The following ATP8B4 variants were observed in gnomAD, a reference collection of about 807,000 sequenced individuals.
The protein encoded by ATP8B4 is ATPase phospholipid transporting 8B4 (putative).
ATP8B4 carries 133 observed loss-of-function variants against 145.6 expected under a neutral mutation model. The observed-to-expected ratio is 0.91, with a 90% CI of 0.79 to 1.05. The LOEUF (loss-of-function observed/expected upper bound fraction) is 1.05. ATP8B4 is among the 50% of genes least tolerant of loss of function. The probability of loss-of-function intolerance (pLI) is 0.00; values close to 1 mark genes in which losing one functional copy is unlikely to be tolerated. For missense variants in ATP8B4, 1,458 were observed against 1,425.2 expected (o/e 1.02, Z -0.37); for synonymous variants, 507 against 492.9 (o/e 1.03, Z -0.38).
chr15:50,002,163 C>T lies in ATP8B4; in HGVS notation c.496G>A (p.Glu166Lys). 6.2e-7 allele frequency: 1 copy of T among 1,608,192 alleles called. No individual in the cohort carries two copies. Among genetic ancestry groups the T allele is most frequent in the Non-Finnish European group, 8.5e-7 (1 of 1,176,050 alleles). Residue 166 changes from glutamate (E) to lysine (K), a missense_variant, in exon 8 of 28, where the codon GAG (glutamate) becomes AAG (lysine). Glu to Lys is a moderately conservative substitution (Grantham distance 56). Coordinates refer to ENST00000284509, the MANE Select transcript of ATP8B4 (RefSeq NM_024837.4). ...PHGLCYVETAELDGETNLKVR... is the reference protein window; with the variant it reads ...PHGLCYVETAKLDGETNLKVR... ...ATTTTAATAACTTACCCATCAAGCT[C>T]AGCAGTTTCAACATAACAGAGACCA... is the stretch of plus-strand genomic sequence containing the variant.
At chr15:50,116,413 G>A (rs1290767050) in intron 1 of ATP8B4, among the ~76,000 whole-genome samples, 1 of 152,016 alleles carries the variant, frequency 6.6e-6, no homozygotes, top group Non-Finnish European at 1.5e-5. Flanking sequence ...GAAGGTGGAG[G>A]GGCAGAAGAA....
chr15:49,869,074 AATTTTTTTGT>A (rs1372281857), intron 25 of ATP8B4, among the ~76,000 whole-genome samples: 33 of 152,186 alleles, frequency 2.2e-4, no homozygotes, highest in East Asian at 1.9e-4. Context: ...ATGCCTGGCT[AATTTTTTTGT>A]ATTTTTAGTA....
chr15:49,982,163 G>T (rs1367031574), intron 10 of ATP8B4, among the ~76,000 whole-genome samples: 8 of 152,210 alleles, frequency 5.3e-5, no homozygotes, highest in South Asian at 2.1e-4. Flanking sequence ...AAAGAAAGGA[G>T]AAAAGGGAGG....
At chr15:50,170,432 A>G (rs1240867272) in intron 1 of ATP8B4, among the ~76,000 whole-genome samples, 1 of 152,130 alleles carries the variant, frequency 6.6e-6, no homozygotes, top group Non-Finnish European at 1.5e-5. Flanking sequence ...TAGGCATCAT[A>G]TATGAAGGAA....
intron 23 of ATP8B4, 58 bp downstream of exon 23, chr15:49,897,234 G>A: frequency 6.8e-7 from 1 of 1,474,574 alleles, no homozygotes; most frequent in Non-Finnish European, 9.3e-7. Context: ...AGAGTCATTT[G>A]TAATATCATA....
chr15:50,094,712 C>CTATA (rs10546915), intron 2 of ATP8B4, among the ~76,000 whole-genome samples: 1 of 144,988 alleles, frequency 6.9e-6, no homozygotes, highest in African/African-American at 2.5e-5. Context: ...ATATATACTA[C>CTATA]TATATATATA....
At chr15:50,028,070 A>C (rs767708673) in intron 6 of ATP8B4, among the ~76,000 whole-genome samples, 4 of 151,970 alleles carry the variant, frequency 2.6e-5, no homozygotes, top group Non-Finnish European at 5.9e-5. Context: ...ATTCAGTATC[A>C]CTCTCAATTA....
At chr15:49,983,329 C>T (rs568647631) in intron 10 of ATP8B4, among the ~76,000 whole-genome samples, 1 of 152,310 alleles carries the variant, frequency 6.6e-6, no homozygotes, top group African/African-American at 2.4e-5. Context: ...CTTCTTATCT[C>T]AGTGAGCATC....
chr15:50,160,569 T>C (rs113249943), intron 1 of ATP8B4, among the ~76,000 whole-genome samples: 6 of 152,146 alleles, frequency 3.9e-5, no homozygotes, highest in African/African-American at 1.4e-4. Flanking sequence ...GGTTTTGGTA[T>C]GTTGTGTTTC....
At chr15:50,008,682 G>A (rs1372958733) in intron 7 of ATP8B4, among the ~76,000 whole-genome samples, 2 of 152,150 alleles carry the variant, frequency 1.3e-5, no homozygotes, top group Non-Finnish European at 2.9e-5. Context: ...GCCAATTGGA[G>A]CCTAGATCTG....
intron 6 of ATP8B4, among the ~76,000 whole-genome samples, chr15:50,029,048 C>T (rs1035745316): frequency 6.6e-6 from 1 of 151,848 alleles, no homozygotes; most frequent in African/African-American, 2.4e-5. Flanking sequence ...TCCTGGCCAA[C>T]ATGGTAAAAC....
At position 49,860,180 on chromosome 15, in the gene ATP8B4, AAATTC is replaced by A. The variant is rs748588405; in HGVS notation, c.*9_*13del. 353 of 1,597,366 alleles carry A rather than the reference AAATTC, an allele frequency of 2.2e-4. No individual in the cohort carries two copies. Among genetic ancestry groups the A allele is most frequent in the Non-Finnish European group, 2.7e-4 (320 of 1,171,908 alleles). On this transcript the variant is annotated 3_prime_UTR_variant, in exon 28 of 28. Coordinates refer to ENST00000284509, the MANE Select transcript of ATP8B4 (RefSeq NM_024837.4). ...AAGTGAAAAGATAACTACGTGGTTT[AAATTC>A]ATATTGACTCACAGTTTCACTGTTT... is the stretch of plus-strand genomic sequence containing the variant.
chr15:49,996,793 A>G (rs1435351872), intron 8 of ATP8B4, 34 bp from the exon 9 acceptor site: 3 of 1,557,096 alleles, frequency 1.9e-6, no homozygotes, highest in Non-Finnish European at 1.8e-6. Flanking sequence ...GAATTTTTAT[A>G]TGGAACAGCC....
At chr15:49,935,214 T>C (rs1431836829) in intron 14 of ATP8B4, among the ~76,000 whole-genome samples, 3 of 152,096 alleles carry the variant, frequency 2.0e-5, no homozygotes, top group African/African-American at 7.2e-5. Flanking sequence ...TATTTATTAT[T>C]ATCTTTATAA....
At chr15:49,874,379 G>T (rs1044169856) in intron 25 of ATP8B4, among the ~76,000 whole-genome samples, 1 of 152,200 alleles carries the variant, frequency 6.6e-6, no homozygotes, top group African/African-American at 2.4e-5. Context: ...AAAGAGCAAA[G>T]CCATAAGGCA....
chr15:50,166,212 A>C (rs928381733), intron 1 of ATP8B4, among the ~76,000 whole-genome samples: 4 of 152,318 alleles, frequency 2.6e-5, no homozygotes, highest in East Asian at 3.9e-4. Context: ...TAAAGACTTT[A>C]TCAGAAAACA....
intron 1 of ATP8B4, among the ~76,000 whole-genome samples, chr15:50,142,370 C>T (rs2044223899): frequency 6.6e-6 from 1 of 152,042 alleles, no homozygotes; most frequent in Non-Finnish European, 1.5e-5. Flanking sequence ...ACGAAAGGTA[C>T]CCAACTGTAT....
At chr15:49,897,231 T>C in intron 23 of ATP8B4, 61 bp downstream of exon 23, 1 of 1,467,520 alleles carries the variant, frequency 6.8e-7, no homozygotes. Flanking sequence ...AGAAGAGTCA[T>C]TTGTAATATC....
At chr15:50,136,930 T>C (rs1278090187) in intron 1 of ATP8B4, among the ~76,000 whole-genome samples, 2 of 152,208 alleles carry the variant, frequency 1.3e-5, no homozygotes, top group Non-Finnish European at 2.9e-5. Context: ...CATATGATTT[T>C]ATTATTATAA....
Sources: allele counts gnomAD v4.1 joint callset (sites outside exome capture counted in the v4.1 genomes callset), GRCh38; gene constraint gnomAD v4.1.1; transcripts MANE v1.5; gene names NCBI Gene and HGNC (gene_info 2026-07-23, HGNC 2026-07-21).